NCR3LG1: variants seen among roughly 807,000 people sequenced by gnomAD.
NCR3LG1 encodes natural cytotoxicity triggering receptor 3 ligand 1.
Under a neutral mutation model 34.8 loss-of-function variants are expected in NCR3LG1, and 35 were observed. That is an observed-to-expected ratio of 1.01 (90% CI 0.77 to 1.33). The LOEUF (loss-of-function observed/expected upper bound fraction) is 1.33, where lower values mean the gene tolerates loss of function less well. Ranked by LOEUF, NCR3LG1 falls within the 40% of genes most tolerant of loss-of-function variation. NCR3LG1 has a pLI of 0.00. For missense variants in NCR3LG1, 452 were observed against 423.3 expected (o/e 1.07, Z -0.60); for synonymous variants, 173 against 163.6 (o/e 1.06, Z -0.44).
intron 2 of NCR3LG1, among the ~76,000 whole-genome samples, 190 bp downstream of exon 2, chr11:17,357,191 C>G (rs1953220371): frequency 6.6e-6 from 1 of 151,996 alleles, no homozygotes; most frequent in Admixed American, 6.6e-5. Context: ...TGCCTTTAAA[C>G]AACAGATGTT....
At chr11:17,352,660 G>A (rs1953151919) in intron 1 of NCR3LG1, among the ~76,000 whole-genome samples, 2 of 152,126 alleles carry the variant, frequency 1.3e-5, no homozygotes, top group Admixed American at 1.3e-4. Context: ...AGGGGCCGGA[G>A]GAGAGAAGAA....
At position 17,356,909 on chromosome 11, in the gene NCR3LG1, C is replaced by G; in HGVS notation, c.329C>G (p.Pro110Arg). The change falls in exon 2 of 5, where the codon CCT becomes CGT. Residue 110 changes from proline to arginine, a missense_variant. By Grantham distance (103) the Pro-to-Arg change is moderately radical. Coordinates refer to ENST00000338965, the MANE Select transcript of NCR3LG1 (RefSeq NM_001202439.3). Reference protein sequence around the residue: ...LKSGDASLRLPGIQLEEAGEY... With the variant: ...LKSGDASLRLRGIQLEEAGEY... ...AGTGGGGACGCCTCACTGCGGCTGC[C>G]TGGAATCCAGCTGGAGGAAGCAGGA... 1 of 1,536,122 alleles carries G rather than the reference C, an allele frequency of 6.5e-7. No individual in the cohort carries two copies. Among genetic ancestry groups the G allele is most frequent in the Non-Finnish European group, 8.7e-7 (1 of 1,146,924 alleles).
chr11:17,354,040 C>G (rs927608204), intron 1 of NCR3LG1, among the ~76,000 whole-genome samples: 1 of 152,158 alleles, frequency 6.6e-6, no homozygotes, highest in South Asian at 2.1e-4. Context: ...GATTCTAGCC[C>G]GTCTTTGTAT....
At chr11:17,359,559 C>T (rs769057396) in intron 2 of NCR3LG1, among the ~76,000 whole-genome samples, 10 of 150,330 alleles carry the variant, frequency 6.7e-5, no homozygotes, top group South Asian at 4.2e-4. Flanking sequence ...TTGCCCAGGC[C>T]GGAGTGCAGT....
chr11:17,371,989 C>A lies in NCR3LG1; in HGVS notation c.859-17C>A. ...CAAAGGAGACTAAGGGATGCCTTTTCTCTCCTCTTTTTCTAGATATGTAAC... is the reference window on the plus strand; with the variant it reads ...CAAAGGAGACTAAGGGATGCCTTTTATCTCCTCTTTTTCTAGATATGTAAC... On this transcript the variant is annotated splice_polypyrimidine_tract_variant and intron_variant, in intron 4 of 4. Transcript: ENST00000338965. 1 of 692,464 alleles carries A rather than the reference C, an allele frequency of 1.4e-6. No homozygotes were observed. The highest frequency in any genetic ancestry group is 1.5e-5 in the South Asian group (1 of 66,574). The allele number at this position is 692,464 out of a possible 1,614,324, so 42.9% of individuals were successfully genotyped here. A position where few individuals can be genotyped will look rare whatever the true frequency, so the allele number is the denominator to read the frequency against.
At chr11:17,353,590 T>C (rs1046780613) in intron 1 of NCR3LG1, among the ~76,000 whole-genome samples, 1 of 151,542 alleles carries the variant, frequency 6.6e-6, no homozygotes, top group African/African-American at 2.4e-5. Flanking sequence ...GGGCCTTGGG[T>C]CCCCGCCACT....
At chr11:17,367,879 C>T (rs139028323) in intron 3 of NCR3LG1, among the ~76,000 whole-genome samples, 56 of 150,042 alleles carry the variant, frequency 3.7e-4, no homozygotes, top group African/African-American at 1.3e-3. Flanking sequence ...AGTGTAATGG[C>T]GTGATCTCAG....
chr11:17,356,141 T>C (rs866279014), intron 1 of NCR3LG1, among the ~76,000 whole-genome samples: 439 of 143,702 alleles, frequency 3.1e-3, no homozygotes, highest in African/African-American at 9.5e-3. Flanking sequence ...TCTTTCTTTT[T>C]TTTTTTTTTT....
At chr11:17,354,742 A>G (rs561040193) in intron 1 of NCR3LG1, among the ~76,000 whole-genome samples, 1 of 152,074 alleles carries the variant, frequency 6.6e-6, no homozygotes, top group South Asian at 2.1e-4. Context: ...TTGCTTTGAT[A>G]CATAGAACAG....
At position 17,356,708 on chromosome 11, in the gene NCR3LG1, A is replaced by G. The variant is rs760833393; in HGVS notation, c.128A>G (p.Asn43Ser). 134 of 1,536,262 alleles carry G rather than the reference A, an allele frequency of 8.7e-5. No homozygotes were observed. The highest frequency in any genetic ancestry group is 6.7e-4 in the Middle Eastern group (4 of 6,014). ...GGTQITPLND[N>S]VTIFCNIFYS... The stretch of plus-strand genomic sequence containing the variant: ...ACTCAGATCACACCCCTGAATGACA[A>G]TGTCACCATATTCTGCAATATCTTT... The change falls in exon 2 of 5, where the codon AAT (asparagine) becomes AGT (serine). Residue 43 changes from asparagine (N) to serine (S), a missense_variant. Transcript: ENST00000338965.
rs71047545 is a variant in NCR3LG1, at chr11:17,354,545, CT to C, written c.71-2078del. Among the ~76,000 whole-genome samples, 156 of 70,272 alleles carry C rather than the reference CT, an allele frequency of 2.2e-3. 1 individual carries two copies. Among genetic ancestry groups the C allele is most frequent in the African/African-American group, 3.8e-3 (98 of 25,988 alleles). The allele number at this position is 70,272 out of a possible 152,430, so 46.1% of individuals were successfully genotyped here. On this transcript the variant is annotated intron_variant, in intron 1 of 4. Transcript: ENST00000338965. ...TCCCTCCGACCCCCCAATTCTTCTT[CT>C]TTTTTTTTTTTTTTTTTTTTTTTTT...
rs1215531607 is a variant in NCR3LG1 at position 17,367,260 on chromosome 11, G to A, written c.673G>A (p.Val225Ile). 1 of 1,536,156 alleles carries A rather than the reference G, an allele frequency of 6.5e-7. No individual in the cohort carries two copies. The highest frequency in any genetic ancestry group is 8.7e-7 in the Non-Finnish European group (1 of 1,146,944). ...LNSSQEDPGT[V>I]YQCVVRHASL... ...CTCCTCTCAGGAAGACCCTGGGACT[G>A]TCTACCAGTGTGTGGTACGGCATGC... The change falls in exon 3 of 5, where the codon GTC (valine) becomes ATC (isoleucine). Residue 225 changes from valine to isoleucine, a missense_variant. Physicochemically the swap from Val to Ile is conservative, Grantham distance 29 (BLOSUM62 3). Transcript: ENST00000338965.
chr11:17,366,955 G>GT, intron 2 of NCR3LG1, 54 bp from the exon 3 acceptor site: 2 of 1,313,058 alleles, frequency 1.5e-6, no homozygotes, highest in South Asian at 2.8e-5. Flanking sequence ...ATAAGGTGTG[G>GT]TGGGGATAAA....
intron 4 of NCR3LG1, among the ~76,000 whole-genome samples, chr11:17,369,328 A>G (rs1189166873): frequency 6.6e-6 from 1 of 152,212 alleles, no homozygotes; most frequent in Non-Finnish European, 1.5e-5. Flanking sequence ...TTTCTCACAC[A>G]TTTAGAAACT....
intron 1 of NCR3LG1, 104 bp downstream of exon 1, chr11:17,352,143 G>T: frequency 1.6e-6 from 1 of 628,162 alleles, no homozygotes; most frequent in Non-Finnish European, 2.6e-6. Context: ...CTTCCTGGGG[G>T]CTGAGAGCTC....
intron 2 of NCR3LG1, among the ~76,000 whole-genome samples, chr11:17,362,691 C>CCTTTCTTTCTTT (rs757163762): frequency 3.3e-4 from 11 of 33,142 alleles, no homozygotes; most frequent in South Asian, 1.9e-3. Context: ...TTCCTTCCTT[C>CCTTTCTTTCTTT]CTTTCTTTCT....
Position 17,352,052 on chromosome 11 carries a change from TG to T in NCR3LG1, c.70+17del, listed in dbSNP as rs1317942657. On this transcript the variant is annotated intron_variant, in intron 1 of 4. Coordinates refer to ENST00000338965, the MANE Select transcript of NCR3LG1 (RefSeq NM_001202439.3). ...CTGACGACCGAAGGTAGGGGGCGGC[TG>T]GGGTGGGCTGGGGCGGGGGCTCCTG... 1.2e-5 allele frequency: 1 copy of T among 83,988 alleles called. No homozygotes were observed. The allele number at this position is 83,988 out of a possible 1,614,324, so 5.2% of individuals were successfully genotyped here.
At chr11:17,355,912 C>T (rs1953198873) in intron 1 of NCR3LG1, among the ~76,000 whole-genome samples, 1 of 152,090 alleles carries the variant, frequency 6.6e-6, no homozygotes, top group Admixed American at 6.5e-5. Flanking sequence ...ATCCTCTCAC[C>T]TCAGCCTCCC....
intron 1 of NCR3LG1, among the ~76,000 whole-genome samples, chr11:17,353,538 C>A (rs1004335800): frequency 2.6e-5 from 4 of 152,254 alleles, no homozygotes; most frequent in African/African-American, 9.6e-5. Flanking sequence ...CGGTCCCATG[C>A]CCGTCCCGCG....
Sources: allele counts gnomAD v4.1 joint callset (sites outside exome capture counted in the v4.1 genomes callset), GRCh38; gene constraint gnomAD v4.1.1; transcripts MANE v1.5; gene names NCBI Gene and HGNC (gene_info 2026-07-23, HGNC 2026-07-21).